KCNK10: variants seen among roughly 807,000 people sequenced by gnomAD.
KCNK10 encodes potassium channel subfamily K member 10.
In KCNK10, 25 loss-of-function variants were observed where a neutral mutation model predicts 47.7. That is an observed-to-expected ratio of 0.52 (90% CI 0.38 to 0.73). The LOEUF is 0.73. KCNK10 is among the 30% of genes least tolerant of loss of function. The pLI, the probability that KCNK10 is intolerant of heterozygous loss-of-function variation, is 0.00. For synonymous variants in KCNK10, 303 were observed against 285.6 expected (o/e 1.06, Z -0.61); for missense variants, 563 against 714.5 (o/e 0.79, Z 2.42).
rs1281696958 is a variant in KCNK10 at position 88,260,522 on chromosome 14, T to C, written c.402+2680A>G. 6.6e-6 allele frequency among the ~76,000 whole-genome samples: 1 copy of C among 152,200 alleles called. No homozygotes were observed. The highest frequency in any genetic ancestry group is 2.4e-5 in the African/African-American group (1 of 41,450). ...AAGTTTAAAAGAGACTGGAGCTTAT[T>C]ATAAACCAAGATCTACTTAAAGGGC... On this transcript the variant is annotated intron_variant, in intron 2 of 6. Transcript: ENST00000319231. The surrounding 1 kb of genome is among the most constrained non-coding windows in gnomAD (Gnocchi z 4.5).
At chr14:88,305,016 G>A (rs950499422) in intron 1 of KCNK10, among the ~76,000 whole-genome samples, 4 of 152,080 alleles carry the variant, frequency 2.6e-5, no homozygotes, top group African/African-American at 9.7e-5. Context: ...TGGCCAATGT[G>A]GTGAAACCCC....
At chr14:88,225,950 G>A (rs916244522) in intron 4 of KCNK10, among the ~76,000 whole-genome samples, 4 of 152,174 alleles carry the variant, frequency 2.6e-5, no homozygotes, top group African/African-American at 4.8e-5. Flanking sequence ...TGAGGCCACC[G>A]GCCAGCCAGC....
intron 1 of KCNK10, among the ~76,000 whole-genome samples, chr14:88,268,529 GTT>G (rs2139760243): frequency 6.6e-6 from 1 of 152,348 alleles, no homozygotes; most frequent in African/African-American, 2.4e-5. Flanking sequence ...TTCAAAGTCA[GTT>G]CTGCAGAGTG....
intron 3 of KCNK10, among the ~76,000 whole-genome samples, chr14:88,233,626 T>G (rs1886213986): frequency 6.6e-6 from 1 of 152,154 alleles, no homozygotes; most frequent in Non-Finnish European, 1.5e-5. Flanking sequence ...ACTCAAAGAT[T>G]CCGGTGTAAG....
At chr14:88,192,158 A>G in intron 5 of KCNK10, 66 bp downstream of exon 5, 1 of 1,459,056 alleles carries the variant, frequency 6.9e-7, no homozygotes, top group South Asian at 1.3e-5. Flanking sequence ...TCGATTGCGA[A>G]AAGCACAGCC....
chr14:88,285,036 T>C (rs1887731874), intron 1 of KCNK10, among the ~76,000 whole-genome samples: 1 of 152,220 alleles, frequency 6.6e-6, no homozygotes, highest in Non-Finnish European at 1.5e-5. Flanking sequence ...GAACATGTGT[T>C]CCTGAACATT....
At chr14:88,290,531 A>C (rs1887854555) in intron 1 of KCNK10, among the ~76,000 whole-genome samples, 1 of 152,196 alleles carries the variant, frequency 6.6e-6, no homozygotes, top group African/African-American at 2.4e-5. Context: ...TGTACATTTC[A>C]CATGAATGCC....
At chr14:88,326,190 C>CA (rs67499476), upstream of KCNK10, among the ~76,000 whole-genome samples, 13 of 134,278 alleles carry the variant, frequency 9.7e-5, no homozygotes, top group East Asian at 1.1e-3. Flanking sequence ...CGCCCCCCCC[C>CA]AAAAAAAAAT....
chr14:88,314,244 T>C (rs1888384506), intron 1 of KCNK10, among the ~76,000 whole-genome samples: 1 of 152,050 alleles, frequency 6.6e-6, no homozygotes, highest in African/African-American at 2.4e-5. Context: ...GCCTTCATGA[T>C]TAGGATTAGT....
At chr14:88,301,668 G>GA (rs1888102870) in intron 1 of KCNK10, among the ~76,000 whole-genome samples, 2 of 149,042 alleles carry the variant, frequency 1.3e-5, no homozygotes, top group African/African-American at 2.5e-5. Context: ...AAAAAAAGAG[G>GA]TCCCGTAAAG....
intron 4 of KCNK10, among the ~76,000 whole-genome samples, chr14:88,208,361 C>A (rs1885348807): frequency 6.6e-6 from 1 of 152,162 alleles, no homozygotes; most frequent in Admixed American, 6.5e-5. Context: ...ATTTATACAG[C>A]CATCTGTACA....
intron 2 of KCNK10, among the ~76,000 whole-genome samples, chr14:88,252,851 C>T (rs188662473): frequency 1.3e-4 from 20 of 152,282 alleles, no homozygotes; most frequent in Admixed American, 1.2e-3. Flanking sequence ...GAGAGCTCTG[C>T]GTTAGAAGGC....
chr14:88,261,021 A>G (rs759231038), intron 2 of KCNK10, among the ~76,000 whole-genome samples: 10 of 152,216 alleles, frequency 6.6e-5, no homozygotes, highest in Non-Finnish European at 1.5e-4. Flanking sequence ...GGAAATGCCG[A>G]ATTAATCAAC....
chr14:88,188,780 G>A (rs1285328981), intron 5 of KCNK10, among the ~76,000 whole-genome samples: 2 of 152,230 alleles, frequency 1.3e-5, no homozygotes, highest in African/African-American at 2.4e-5. Context: ...AAGGATTACA[G>A]TAAAAATCCA....
intron 1 of KCNK10, among the ~76,000 whole-genome samples, chr14:88,301,305 C>T (rs965618384): frequency 5.3e-5 from 8 of 152,038 alleles, no homozygotes; most frequent in African/African-American, 7.2e-5. Context: ...TATCTTGAGT[C>T]GTTGTAGAGC....
rs1419026502 is a variant in KCNK10 at position 88,181,566 on chromosome 14, C to T, written c.*3969G>A. 1 of 152,100 alleles carries T rather than the reference C, an allele frequency of 6.6e-6. No homozygotes were observed. The highest frequency in any genetic ancestry group is 2.1e-4 in the South Asian group (1 of 4,810). The allele number at this position is 152,100 out of a possible 1,614,324, so 9.4% of individuals were successfully genotyped here. ...AGTCTTAACACCATGCAAAAAATGC[C>T]CTCACAGCATGAGCCCTCCCGGTGA... On this transcript the variant is annotated 3_prime_UTR_variant, in exon 7 of 7. Coordinates refer to ENST00000319231, the MANE Select transcript of KCNK10 (RefSeq NM_138317.3).
intron 4 of KCNK10, among the ~76,000 whole-genome samples, chr14:88,216,674 C>A (rs968219385): frequency 6.6e-6 from 1 of 152,164 alleles, no homozygotes; most frequent in African/African-American, 2.4e-5. Flanking sequence ...ATATGTAGGT[C>A]ACCCCAAATG....
intron 1 of KCNK10, among the ~76,000 whole-genome samples, chr14:88,277,164 T>C (rs1887542371): frequency 6.6e-6 from 1 of 151,898 alleles, no homozygotes; most frequent in South Asian, 2.1e-4. Context: ...TGCTCAGTGC[T>C]CCTGGTTCAT....
rs113366043 is a variant in KCNK10, at chr14:88,218,594, T to C, written c.681+8781A>G. Among the ~76,000 whole-genome samples the C allele has an allele frequency of 6.9e-3, 1,038 of 150,826 alleles. 20 individuals carry two copies. Among genetic ancestry groups the C allele is most frequent in the African/African-American group, 0.023 (952 of 41,214 alleles). ...AAGAAAAAAAAAAAAAGGTGTCCCT[T>C]GGTTTTACAGGAAATACCAGAAAGC... On this transcript the variant is annotated intron_variant, in intron 4 of 6. Transcript: ENST00000319231.
Sources: allele counts gnomAD v4.1 joint callset (sites outside exome capture counted in the v4.1 genomes callset), GRCh38; gene constraint gnomAD v4.1.1; non-coding constraint Gnocchi (gnomAD v3.1); transcripts MANE v1.5; gene names NCBI Gene and HGNC (gene_info 2026-07-23, HGNC 2026-07-21).